Variants in TSPAN4 observed in about 807,000 individuals in gnomAD.
The protein encoded by TSPAN4 is tetraspanin-4.
In TSPAN4, 38 loss-of-function variants were observed where a neutral mutation model predicts 31.5. The observed-to-expected ratio is 1.21, with a 90% CI of 0.93 to 1.58. The LOEUF (loss-of-function observed/expected upper bound fraction) is 1.58. Ranked by LOEUF, TSPAN4 falls within the 40% of genes most tolerant of loss-of-function variation. The pLI, the probability that TSPAN4 is intolerant of heterozygous loss-of-function variation, is 0.00. For synonymous variants in TSPAN4, 186 were observed against 144.6 expected (o/e 1.29, Z -2.06); for missense variants, 330 against 317.3 (o/e 1.04, Z -0.30).
At chr11:850,725 G>A (rs1412587458) in intron 3 of TSPAN4, among the ~76,000 whole-genome samples, 1 of 152,218 alleles carries the variant, frequency 6.6e-6, no homozygotes, top group African/African-American at 2.4e-5. Context: ...TCGAGTCCGG[G>A]TCGTGGCCAG....
chr11:864,413 T>C (rs759696196), intron 4 of TSPAN4, 24 bp from the exon 5 acceptor site: 1 of 1,610,720 alleles, frequency 6.2e-7, no homozygotes, highest in Non-Finnish European at 8.5e-7. Context: ...TTCGGGTCCC[T>C]GTCTGAGCCT....
intron 2 of TSPAN4, 63 bp from the exon 3 acceptor site, chr11:850,225 C>G: frequency 3.7e-6 from 5 of 1,365,058 alleles, no homozygotes; most frequent in Non-Finnish European, 5.1e-6. Context: ...GCGCGCTACA[C>G]GTCGCCCAAG....
At chr11:843,622 CG>C (rs918353029) in intron 1 of TSPAN4, 11 of 91,346 alleles carry the variant, frequency 1.2e-4, no homozygotes, top group Admixed American at 1.1e-3. Flanking sequence ...GGATGGAGTG[CG>C]GGGGGGCTGG....
chr11:866,479 A>G (rs1414415249), intron 8 of TSPAN4, 83 bp from the exon 9 acceptor site: 2 of 1,335,280 alleles, frequency 1.5e-6, no homozygotes, highest in Admixed American at 2.1e-5. Flanking sequence ...GGGCCAGGGC[A>G]CCTGCTGAGG....
chr11:860,880 G>A (rs192835500), intron 3 of TSPAN4, among the ~76,000 whole-genome samples: 113 of 152,252 alleles, frequency 7.4e-4, no homozygotes, highest in African/African-American at 2.7e-3. Flanking sequence ...AGGGCTGCGC[G>A]GCCCTTCCCC....
At chr11:847,050 G>A (rs1177999215) in intron 1 of TSPAN4, 151 bp from the exon 2 acceptor site, 1 of 152,294 alleles carries the variant, frequency 6.6e-6, no homozygotes, top group Non-Finnish European at 1.5e-5. Flanking sequence ...TCCGAGTCTG[G>A]TGGTGTATCC....
chr11:852,329 G>C (rs779953419), intron 3 of TSPAN4, among the ~76,000 whole-genome samples: 42 of 151,988 alleles, frequency 2.8e-4, no homozygotes, highest in Non-Finnish European at 5.0e-4. Context: ...TCACCATGTT[G>C]GTCAGGTTGG....
intron 5 of TSPAN4, 136 bp from the exon 6 acceptor site, chr11:865,377 G>A: frequency 3.0e-6 from 2 of 674,716 alleles, no homozygotes; most frequent in Non-Finnish European, 5.2e-6. Context: ...TGTGTCTGCA[G>A]CTTGGTGGGC....
intron 4 of TSPAN4, 198 bp from the exon 5 acceptor site, chr11:864,239 A>G: frequency 1.5e-6 from 1 of 653,022 alleles, no homozygotes; most frequent in Non-Finnish European, 2.7e-6. Context: ...GCAGGACACA[A>G]CAGCCACAGT....
At chr11:851,450 TG>T (rs1847718541) in intron 3 of TSPAN4, among the ~76,000 whole-genome samples, 1 of 152,174 alleles carries the variant, frequency 6.6e-6, no homozygotes, top group Admixed American at 6.5e-5. Context: ...CCCAGAAGCC[TG>T]GGTCTGCCTT....
At chr11:847,436 G>T (rs138076476) in intron 2 of TSPAN4, 136 bp downstream of exon 2, 3 of 152,138 alleles carry the variant, frequency 2.0e-5, no homozygotes, top group East Asian at 1.9e-4. Context: ...TGGAGCTCCC[G>T]TGGGGAGGGG....
intron 2 of TSPAN4, among the ~76,000 whole-genome samples, chr11:849,514 G>A (rs1446837642): frequency 2.6e-5 from 4 of 152,178 alleles, no homozygotes; most frequent in Non-Finnish European, 5.9e-5. Context: ...GTGGGGGGAA[G>A]GGCTGGGGGT....
Position 865,690 on chromosome 11 carries a change from C to T in TSPAN4, c.433-4C>T, listed in dbSNP as rs775932168. On this transcript the variant is annotated splice_region_variant and splice_polypyrimidine_tract_variant and intron_variant, in intron 6 of 8. Coordinates refer to ENST00000397397, the MANE Select transcript of TSPAN4 (RefSeq NM_003271.5). ...CCTCAGCCCGACCTGAGCTTGCCCC[C>T]CAGTTCCGCTGCTGTGGCGTCTCCA... The T allele has an allele frequency of 6.2e-6, 10 of 1,613,150 alleles. No homozygotes were observed. In the African/African-American group the frequency reaches 6.7e-5, roughly 11 times the overall value.
At position 848,497 on chromosome 11, in the gene TSPAN4, C is replaced by T. The variant is rs1847441720; in HGVS notation, c.-18+1197C>T. ...CTTGGGGGGCAGCAGAGGCTTGGGG[C>T]ACCCAGCCCAGGTCGTCAGGGGTGG... On this transcript the variant is annotated intron_variant, in intron 2 of 8. Transcript: ENST00000397397. The surrounding 1 kb of genome is among the most constrained non-coding windows in gnomAD (Gnocchi z 5.7). 6.6e-6 allele frequency among the ~76,000 whole-genome samples: 1 copy of T among 151,930 alleles called. No homozygotes were observed. Among genetic ancestry groups the T allele is most frequent in the Admixed American group, 6.5e-5 (1 of 15,274 alleles).
intron 1 of TSPAN4, chr11:843,553 T>G (rs897518302): frequency 6.6e-6 from 1 of 152,060 alleles, no homozygotes; most frequent in South Asian, 2.1e-4. Context: ...GCCTCAGCTC[T>G]GGCTTGCCCT....
chr11:850,778 C>T (rs2134001407), intron 3 of TSPAN4, among the ~76,000 whole-genome samples: 1 of 152,368 alleles, frequency 6.6e-6, no homozygotes, highest in Middle Eastern at 3.4e-3. Flanking sequence ...CCGCTCCCTC[C>T]TCGGTGCAGC....
At chr11:863,469 C>G (rs1231091731) in intron 4 of TSPAN4, 1 of 152,292 alleles carries the variant, frequency 6.6e-6, no homozygotes, top group Non-Finnish European at 1.5e-5. Flanking sequence ...CCCTCCGTAC[C>G]CCTTCCTGGG....
Position 864,470 on chromosome 11 carries a change from G to T in TSPAN4, c.289G>T (p.Glu97Ter), listed in dbSNP as rs1297526156. The stretch of plus-strand genomic sequence containing the variant: ...GCTGCTGCTGCTGGTGTTCCTGCTG[G>T]AGGCCACCATCGCCATCCTCTTCTT... ...FLLLLLVFLL[E>*]ATIAILFFAY... Residue 97 changes from glutamate (E) to a stop codon, truncating the protein, a stop_gained, in exon 5 of 9, where the codon GAG (glutamate) becomes TAG (stop). Transcript: ENST00000397397. LOFTEE classifies it high-confidence loss of function. 6.2e-7 allele frequency: 1 copy of T among 1,612,826 alleles called. No homozygotes were observed.
intron 5 of TSPAN4, chr11:864,869 CATATA>C (rs1465963204): frequency 1.5e-5 from 5 of 330,122 alleles, no homozygotes; most frequent in Non-Finnish European, 2.8e-5. Flanking sequence ...GTCACTCACT[CATATA>C]TTCAGCCATT....
Sources: gnomAD v4.1 joint callset for allele counts (sites outside exome capture counted in the v4.1 genomes callset) on GRCh38, gnomAD v4.1.1 for gene constraint, Gnocchi (gnomAD v3.1) non-coding constraint, MANE v1.5 for transcripts, NCBI Gene and HGNC (gene_info 2026-07-23, HGNC 2026-07-21) for gene names.